The following CFAP299 variants were observed in gnomAD, a reference collection of about 807,000 sequenced individuals.
The protein encoded by CFAP299 is cilia and flagella associated protein 299, also known as cilia- and flagella-associated protein 299.
In CFAP299, 21 loss-of-function variants were observed where a neutral mutation model predicts 27.0. That is an observed-to-expected ratio of 0.78 (90% confidence interval 0.55 to 1.12). The LOEUF is 1.12. Ranked by LOEUF, CFAP299 falls within the 50% of genes most tolerant of loss-of-function variation. The pLI, the probability that CFAP299 is intolerant of heterozygous loss-of-function variation, is 0.00. For synonymous variants in CFAP299, 104 were observed against 98.1 expected (o/e 1.06, Z -0.36); for missense variants, 310 against 276.6 (o/e 1.12, Z -0.86).
intron 4 of CFAP299, among the ~76,000 whole-genome samples, chr4:80,915,551 T>C (rs1286112259): frequency 6.6e-6 from 1 of 152,082 alleles, no homozygotes; most frequent in Non-Finnish European, 1.5e-5. Context: ...TTTTATTAAA[T>C]TTGAAAAATT....
intron 3 of CFAP299, among the ~76,000 whole-genome samples, chr4:80,694,262 C>T (rs1318538825): frequency 6.6e-6 from 1 of 152,160 alleles, no homozygotes; most frequent in Non-Finnish European, 1.5e-5. Context: ...ACATACGTCT[C>T]ACAAGACAGG....
At chr4:80,608,752 A>T (rs1394639566) in intron 3 of CFAP299, among the ~76,000 whole-genome samples, 1 of 152,064 alleles carries the variant, frequency 6.6e-6, no homozygotes, top group Non-Finnish European at 1.5e-5. Flanking sequence ...AATGGGATGA[A>T]GCCAGGAGGT....
At chr4:80,673,323 A>G (rs1033125753) in intron 3 of CFAP299, among the ~76,000 whole-genome samples, 2 of 152,116 alleles carry the variant, frequency 1.3e-5, no homozygotes, top group Non-Finnish European at 2.9e-5. Context: ...AGCGGTTTTG[A>G]GTGAGTTTCT....
chr4:80,420,994 A>C (rs1338169872), intron 2 of CFAP299, among the ~76,000 whole-genome samples: 1 of 152,104 alleles, frequency 6.6e-6, no homozygotes, highest in African/African-American at 2.4e-5. Flanking sequence ...CATTTGTGGC[A>C]TAACTATATA....
At chr4:80,876,322 G>A (rs545088456) in intron 4 of CFAP299, among the ~76,000 whole-genome samples, 62 of 152,098 alleles carry the variant, frequency 4.1e-4, no homozygotes, top group African/African-American at 1.5e-3. Context: ...ATTGAATCAT[G>A]GGGGCAGTTT....
intron 2 of CFAP299, among the ~76,000 whole-genome samples, chr4:80,529,223 C>A (rs936688286): frequency 4.6e-5 from 7 of 152,134 alleles, no homozygotes; most frequent in African/African-American, 7.2e-5. Flanking sequence ...TACATCCAGT[C>A]CTTTCCATGG....
intron 3 of CFAP299, among the ~76,000 whole-genome samples, chr4:80,850,231 G>T (rs1211796861): frequency 6.6e-6 from 1 of 151,928 alleles, no homozygotes; most frequent in Non-Finnish European, 1.5e-5. Flanking sequence ...ATGGCGGTGG[G>T]GGGGGTGATA....
intron 3 of CFAP299, among the ~76,000 whole-genome samples, chr4:80,867,447 AT>A (rs1408305427): frequency 6.6e-6 from 1 of 152,170 alleles, no homozygotes; most frequent in African/African-American, 2.4e-5. Context: ...ATACTTGATT[AT>A]TTTAACTTAT....
intron 3 of CFAP299, among the ~76,000 whole-genome samples, chr4:80,849,441 T>G (rs73829164): frequency 6.6e-6 from 1 of 152,132 alleles, no homozygotes; most frequent in African/African-American, 2.4e-5. Context: ...AAGAATTCCC[T>G]GAAATGATGG....
At chr4:80,424,409 C>T (rs1727439224) in intron 2 of CFAP299, among the ~76,000 whole-genome samples, 3 of 152,142 alleles carry the variant, frequency 2.0e-5, no homozygotes, top group Admixed American at 1.3e-4. Flanking sequence ...GTAAAACTTG[C>T]TTTTGTGGTC....
chr4:80,724,867 C>T (rs1033726028), intron 3 of CFAP299, among the ~76,000 whole-genome samples: 5 of 147,546 alleles, frequency 3.4e-5, no homozygotes, highest in Admixed American at 1.4e-4. Context: ...CCTTTCCTTC[C>T]TTCTTTCCTT....
chr4:80,837,441 C>G (rs1208540429), intron 3 of CFAP299, among the ~76,000 whole-genome samples: 2 of 152,064 alleles, frequency 1.3e-5, no homozygotes, highest in South Asian at 2.1e-4. Context: ...CCGTAGCCCC[C>G]CAACCCCCGA....
At chr4:80,490,399 G>A (rs1466553282) in intron 2 of CFAP299, among the ~76,000 whole-genome samples, 2 of 152,022 alleles carry the variant, frequency 1.3e-5, no homozygotes, top group Non-Finnish European at 2.9e-5. Context: ...CTCTCTTATT[G>A]ATCCTCTTGA....
chr4:80,678,535 T>C (rs1560693578), intron 3 of CFAP299, among the ~76,000 whole-genome samples: 1 of 152,052 alleles, frequency 6.6e-6, no homozygotes, highest in Non-Finnish European at 1.5e-5. Context: ...GTCTTTGAAA[T>C]GACTGAGTCA....
At chr4:80,823,857 T>A (rs994328752) in intron 3 of CFAP299, among the ~76,000 whole-genome samples, 2 of 152,194 alleles carry the variant, frequency 1.3e-5, no homozygotes, top group Non-Finnish European at 2.9e-5. Flanking sequence ...GAATTAGTAT[T>A]TGAGTAGAGC....
chr4:80,422,262 A>G (rs1727319497), intron 2 of CFAP299, among the ~76,000 whole-genome samples: 1 of 152,188 alleles, frequency 6.6e-6, no homozygotes, highest in Admixed American at 6.5e-5. Flanking sequence ...AGTGTCCTAT[A>G]AAGTTGTTGG....
chr4:80,893,107 A>G (rs1456805953), intron 4 of CFAP299, among the ~76,000 whole-genome samples: 1 of 152,020 alleles, frequency 6.6e-6, no homozygotes, highest in East Asian at 1.9e-4. Flanking sequence ...TCTAAAGAAG[A>G]AATTTAAGAA....
chr4:80,602,806 C>T (rs1278386960), intron 3 of CFAP299, among the ~76,000 whole-genome samples: 2 of 152,080 alleles, frequency 1.3e-5, no homozygotes, highest in Admixed American at 1.3e-4. Flanking sequence ...TTCTCCTGCC[C>T]TTTGGCCTTA....
chr4:80,871,474 G>C, intron 4 of CFAP299: 1 of 985,280 alleles, frequency 1.0e-6, no homozygotes. Flanking sequence ...AAACTCAATT[G>C]AGTCCTTTAT....
Sources: allele counts gnomAD v4.1 joint callset (sites outside exome capture counted in the v4.1 genomes callset), GRCh38; gene constraint gnomAD v4.1.1; transcripts MANE v1.5; gene names NCBI Gene and HGNC (gene_info 2026-07-23, HGNC 2026-07-21).